LINGO2: variants seen among roughly 807,000 people sequenced by gnomAD.
LINGO2 encodes the protein leucine-rich repeat and immunoglobulin-like domain-containing nogo receptor-interacting protein 2.
In LINGO2, 14 loss-of-function variants were observed where a neutral mutation model predicts 30.6. That is an observed-to-expected ratio of 0.46 (90% CI 0.30 to 0.72). The LOEUF (loss-of-function observed/expected upper bound fraction) is 0.72. Among genes scored for constraint, LINGO2 ranks in the 30% least tolerant of loss-of-function variants. LINGO2 has a pLI of 0.07. For missense variants in LINGO2, 729 were observed against 751.7 expected, an observed-to-expected ratio of 0.97 and a Z score of 0.35; for synonymous variants, 317 against 288.5, an observed-to-expected ratio of 1.10 and a Z score of -1.00.
chr9:28,954,389 T>C, the LINGO2 span, among the ~76,000 whole-genome samples: 1 of 152,158 alleles, frequency 6.6e-6, no homozygotes, highest in Non-Finnish European at 1.5e-5. Context: ...CAAAGGATAT[T>C]AAGATGGTGT....
the LINGO2 span, among the ~76,000 whole-genome samples, chr9:28,722,977 A>G: frequency 1.3e-5 from 2 of 152,056 alleles, no homozygotes; most frequent in African/African-American, 4.8e-5. Context: ...TCTGCTGAGG[A>G]GCTTTTAGGG....
chr9:28,993,438 C>A, the LINGO2 span, among the ~76,000 whole-genome samples: 1 of 152,114 alleles, frequency 6.6e-6, no homozygotes, highest in South Asian at 2.1e-4. Flanking sequence ...ACCAGAGGTA[C>A]AAGGAGGAAC....
the LINGO2 span, among the ~76,000 whole-genome samples, chr9:28,874,328 A>G: frequency 6.6e-6 from 1 of 152,034 alleles, no homozygotes; most frequent in East Asian, 1.9e-4. Context: ...AGTGATAAGG[A>G]TATTATGAGA....
At chr9:28,641,952 T>C (rs1827609730) in intron 1 of LINGO2, among the ~76,000 whole-genome samples, 1 of 152,108 alleles carries the variant, frequency 6.6e-6, no homozygotes, top group Non-Finnish European at 1.5e-5. Flanking sequence ...TCTGGAAGGT[T>C]TAGTCCTTAC....
At chr9:28,634,985 T>C (rs911365512) in intron 1 of LINGO2, among the ~76,000 whole-genome samples, 4 of 152,264 alleles carry the variant, frequency 2.6e-5, no homozygotes, top group African/African-American at 9.6e-5. Flanking sequence ...GAAATTACCA[T>C]GTGTGGCTGT....
At chr9:28,436,231 A>C (rs1007697717) in intron 2 of LINGO2, among the ~76,000 whole-genome samples, 2 of 152,082 alleles carry the variant, frequency 1.3e-5, no homozygotes, top group African/African-American at 2.4e-5. Flanking sequence ...TTATATAATA[A>C]AAATAATTTT....
intron 1 of LINGO2, among the ~76,000 whole-genome samples, chr9:28,623,401 T>C (rs1563871551): frequency 6.6e-6 from 1 of 152,150 alleles, no homozygotes; most frequent in East Asian, 1.9e-4. Flanking sequence ...ATTTCATTCT[T>C]CTGCATATGG....
rs1335335659 is a variant in LINGO2 at position 28,012,843 on chromosome 9, G to A, written c.-86-438C>T. ...ATTCAAAAACTGTCTATCTGAAATTGACTATTAAAAGAAACACCACCTTCT... is the reference window on the plus strand; with the variant it reads ...ATTCAAAAACTGTCTATCTGAAATTAACTATTAAAAGAAACACCACCTTCT... On this transcript the variant is annotated intron_variant, in intron 4 of 5. Coordinates refer to ENST00000379992, the Ensembl canonical transcript of LINGO2. Among the ~76,000 whole-genome samples the A allele has an allele frequency of 3.3e-5, 5 of 152,070 alleles. No individual in the cohort carries two copies. The East Asian group carries it at 9.7e-4, about 29-fold the overall frequency.
chr9:28,948,520 C>G, the LINGO2 span, among the ~76,000 whole-genome samples: 1 of 152,062 alleles, frequency 6.6e-6, no homozygotes, highest in African/African-American at 2.4e-5. Flanking sequence ...GACTCTCGCT[C>G]TCACACACAG....
chr9:28,943,306 A>G, the LINGO2 span, among the ~76,000 whole-genome samples: 4 of 152,242 alleles, frequency 2.6e-5, no homozygotes, highest in East Asian at 5.8e-4. Context: ...TTTGACTACT[A>G]TGGGAATTAA....
chr9:28,237,122 G>GC (rs1031030191), intron 4 of LINGO2, among the ~76,000 whole-genome samples: 12 of 139,396 alleles, frequency 8.6e-5, no homozygotes, highest in Non-Finnish European at 1.5e-4. Context: ...CAGTGCGGGG[G>GC]GGGGGTAAAG....
chr9:29,119,620 C>G, the LINGO2 span, among the ~76,000 whole-genome samples: 1 of 111,222 alleles, frequency 9.0e-6, no homozygotes, highest in Non-Finnish European at 1.7e-5. Context: ...GAGTTTCACT[C>G]TGTTGCCCAG....
At chr9:28,163,751 A>C (rs1224986686) in intron 4 of LINGO2, among the ~76,000 whole-genome samples, 12 of 152,190 alleles carry the variant, frequency 7.9e-5, no homozygotes, top group African/African-American at 7.2e-5. Flanking sequence ...GTTTGATTCA[A>C]TAAGCATCAC....
intron 4 of LINGO2, among the ~76,000 whole-genome samples, chr9:28,231,496 A>G (rs896849704): frequency 2.6e-5 from 4 of 152,152 alleles, no homozygotes; most frequent in African/African-American, 9.6e-5. Flanking sequence ...ATGAAAATCT[A>G]GAATTTAATC....
chr9:28,339,213 A>G (rs1025355324), intron 3 of LINGO2, among the ~76,000 whole-genome samples: 1 of 152,144 alleles, frequency 6.6e-6, no homozygotes, highest in African/African-American at 2.4e-5. Context: ...AAATAAAATT[A>G]ATGGATTATG....
At chr9:28,759,410 C>T in the LINGO2 span, among the ~76,000 whole-genome samples, 34 of 152,046 alleles carry the variant, frequency 2.2e-4, no homozygotes, top group Admixed American at 5.2e-4. Context: ...TGGCCGGGTG[C>T]GGTGGCTCAC....
At chr9:28,656,693 G>A (rs1828360212) in intron 1 of LINGO2, among the ~76,000 whole-genome samples, 1 of 151,950 alleles carries the variant, frequency 6.6e-6, no homozygotes, top group Non-Finnish European at 1.5e-5. Context: ...GGGACAAGGA[G>A]GAAAATTTGA....
chr9:28,124,897 A>C (rs1371400390), intron 4 of LINGO2, among the ~76,000 whole-genome samples: 1 of 152,248 alleles, frequency 6.6e-6, no homozygotes, highest in Non-Finnish European at 1.5e-5. Context: ...TAATAATATA[A>C]GGGAAGACTG....
the LINGO2 span, among the ~76,000 whole-genome samples, chr9:29,190,373 C>A: frequency 6.6e-6 from 1 of 152,084 alleles, no homozygotes; most frequent in Non-Finnish European, 1.5e-5. Flanking sequence ...AGTAAGCTGA[C>A]TTGTTTATAC....
Sources: allele counts gnomAD v4.1 joint callset (sites outside exome capture counted in the v4.1 genomes callset), GRCh38; gene constraint gnomAD v4.1.1; transcripts MANE v1.5; gene names NCBI Gene and HGNC (gene_info 2026-07-23, HGNC 2026-07-21).